Variants in SPG7 observed in about 807,000 individuals in gnomAD.
SPG7 encodes the protein mitochondrial inner membrane m-AAA protease component paraplegin.
Under a neutral mutation model 81.9 loss-of-function variants are expected in SPG7, and 103 were observed. That is an observed-to-expected ratio of 1.26 (90% CI 1.07 to 1.48). The LOEUF (loss-of-function observed/expected upper bound fraction) is 1.48, where lower values mean the gene tolerates loss of function less well. Among genes scored for constraint, SPG7 ranks in the 40% most tolerant of loss-of-function variants. SPG7 has a pLI of 0.00. For missense variants in SPG7, 1,241 were observed against 1,087.3 expected, an observed-to-expected ratio of 1.14 and a Z score of -1.99; for synonymous variants, 534 against 444.2, an observed-to-expected ratio of 1.20 and a Z score of -2.54.
intron 14 of SPG7, chr16:89,553,476 G>C: frequency 1.9e-6 from 1 of 520,806 alleles, no homozygotes; most frequent in South Asian, 2.1e-5. Context: ...GGAGGGTCCC[G>C]GGGGCCCCTG....
intron 16 of SPG7, chr16:89,556,564 G>T (rs565971599): frequency 2.4e-6 from 1 of 408,388 alleles, no homozygotes; most frequent in Admixed American, 3.8e-5. Flanking sequence ...AATCAGGAGG[G>T]TTCAGCATTT....
In SPG7 at chr16:89,553,115, C is replaced by T. The variant is rs2058652554; in HGVS notation, c.1916C>T (p.Ser639Phe). ...GGAGGACGGGCCTCGGAAGCACTGT[C>T]CTTCAACGAGGTCACTTCTGGTGAG... ...ALGGRASEAL[S>F]FNEVTSGAQD... Residue 639 changes from serine (S) to phenylalanine (F), a missense_variant, in exon 14 of 17, where the codon TCC becomes TTC. By Grantham distance (155) the Ser-to-Phe change is radical (BLOSUM62 -2). Coordinates refer to ENST00000645818, the MANE Select transcript of SPG7 (RefSeq NM_003119.4). 2 of 1,610,572 alleles carry T rather than the reference C, an allele frequency of 1.2e-6. No individual in the cohort carries two copies. The highest frequency in any genetic ancestry group is 1.7e-6 in the Non-Finnish European group (2 of 1,178,518).
chr16:89,530,248 G>A (rs1215435594), intron 6 of SPG7: 16 of 326,032 alleles, frequency 4.9e-5, no homozygotes, highest in East Asian at 1.7e-4. Flanking sequence ...GGGTTCAAGC[G>A]ATTCTCCTGC....
intron 3 of SPG7, chr16:89,520,058 T>A (rs2058164447): frequency 6.6e-6 from 1 of 152,286 alleles, no homozygotes; most frequent in Non-Finnish European, 1.5e-5. Context: ...AGGAGGCATG[T>A]GCGTTTCCTG....
intron 15 of SPG7, 51 bp from the exon 16 acceptor site, chr16:89,554,435 C>G: frequency 7.7e-7 from 1 of 1,291,006 alleles, no homozygotes; most frequent in Non-Finnish European, 1.1e-6. Flanking sequence ...TGCTTTGGTG[C>G]TGGAGCCAGG....
intron 10 of SPG7, chr16:89,545,837 T>G (rs1268282307): frequency 2.9e-5 from 12 of 413,606 alleles, no homozygotes; most frequent in Non-Finnish European, 5.7e-5. Flanking sequence ...TATAATTTTT[T>G]CTTTTTTCTT....
At chr16:89,532,390 C>A in intron 8 of SPG7, 73 bp from the exon 9 acceptor site, 1 of 1,550,838 alleles carries the variant, frequency 6.4e-7, no homozygotes. Context: ...AGAACTTTGT[C>A]TGGCCCGGGT....
At chr16:89,527,422 A>G (rs1337716266) in intron 5 of SPG7, 1 of 152,228 alleles carries the variant, frequency 6.6e-6, no homozygotes, top group Admixed American at 6.5e-5. Flanking sequence ...CCTTGTGACA[A>G]TAACAACGTT....
chr16:89,553,565 C>T (rs2058658000), intron 14 of SPG7: 4 of 578,440 alleles, frequency 6.9e-6, no homozygotes, highest in Non-Finnish European at 1.2e-5. Context: ...TCCAGTATGC[C>T]CCCGGGTTCT....
At chr16:89,532,659 C>A (rs2058361390) in intron 9 of SPG7, 23 bp downstream of exon 9, 1 of 1,612,304 alleles carries the variant, frequency 6.2e-7, no homozygotes, top group African/African-American at 1.3e-5. Flanking sequence ...GCGCCCCGCA[C>A]CCCCATTGCA....
At chr16:89,549,380 C>G (rs1437935037) in intron 12 of SPG7, 1 of 377,786 alleles carries the variant, frequency 2.6e-6, no homozygotes, top group East Asian at 7.3e-5. Flanking sequence ...TTGTCCCTGG[C>G]TGGGCACTGT....
At chr16:89,517,956 CTA>C (rs1027118968) in intron 3 of SPG7, 2 of 152,208 alleles carry the variant, frequency 1.3e-5, no homozygotes, top group African/African-American at 4.8e-5. Context: ...TTGGGTTGAA[CTA>C]TAGTTTGCTT....
At chr16:89,523,975 G>C (rs1402474135) in intron 3 of SPG7, 31 bp from the exon 4 acceptor site, 4 of 1,609,198 alleles carry the variant, frequency 2.5e-6, no homozygotes, top group African/African-American at 1.3e-5. Flanking sequence ...TCATGTGTTT[G>C]TTTCTCCCTT....
At chr16:89,537,879 C>A in intron 9 of SPG7, 1 of 675,168 alleles carries the variant, frequency 1.5e-6, no homozygotes, top group Non-Finnish European at 1.8e-6. Flanking sequence ...ATCAAGCACG[C>A]TCTGCCCTGG....
intron 1 of SPG7, among the ~76,000 whole-genome samples, chr16:89,509,404 C>T (rs1269406035): frequency 3.9e-5 from 6 of 152,096 alleles, no homozygotes; most frequent in Non-Finnish European, 5.9e-5. Context: ...GTGCGCGCCA[C>T]CACACCCAGC....
In SPG7 at chr16:89,531,250, A is replaced by G. The variant is rs1261933056; in HGVS notation, c.987+442A>G. On this transcript the variant is annotated intron_variant, in intron 7 of 16. Transcript: ENST00000645818. ...CATGTGTTCCCTCTGCAGGCCTGGT[A>G]CAGTGGGTCACGCCTGTAGTCCTGG... The G allele has an allele frequency of 9.2e-6, 3 of 325,582 alleles. No homozygotes were observed. In the East Asian group the frequency reaches 2.3e-4, roughly 25 times the overall value. The allele number at this position is 325,582 out of a possible 1,614,324, so 20.2% of individuals were successfully genotyped here. A position where few individuals can be genotyped will look rare whatever the true frequency, so the allele number is the denominator to read the frequency against.
intron 15 of SPG7, among the ~76,000 whole-genome samples, 181 bp from the exon 16 acceptor site, chr16:89,554,305 C>G (rs536033515): frequency 6.6e-6 from 1 of 152,176 alleles, no homozygotes; most frequent in Non-Finnish European, 1.5e-5. Context: ...GGTGGGCTGG[C>G]ATGCGGAGCC....
intron 13 of SPG7, 119 bp downstream of exon 13, chr16:89,550,728 G>C: frequency 1.4e-6 from 1 of 717,486 alleles, no homozygotes; most frequent in Middle Eastern, 3.3e-4. Context: ...GGGGAGTCCC[G>C]CCTGTGTCTG....
At chr16:89,519,333 G>A (rs997249530) in intron 3 of SPG7, 1 of 151,710 alleles carries the variant, frequency 6.6e-6, no homozygotes, top group Admixed American at 6.6e-5. Flanking sequence ...GTTACTTCAC[G>A]GTTGCTAACT....
Sources: gnomAD v4.1 joint callset for allele counts (sites outside exome capture counted in the v4.1 genomes callset) on GRCh38, gnomAD v4.1.1 for gene constraint, MANE v1.5 for transcripts, NCBI Gene and HGNC (gene_info 2026-07-23, HGNC 2026-07-21) for gene names.